KCNMB4: variants seen among roughly 807,000 people sequenced by gnomAD.
The protein encoded by KCNMB4 is calcium-activated potassium channel subunit beta-4.
In KCNMB4, 3 loss-of-function variants were observed where a neutral mutation model predicts 20.7. The observed-to-expected ratio is 0.14, with a 90% CI of 0.07 to 0.37. KCNMB4 has a LOEUF of 0.37. Among genes scored for constraint, KCNMB4 ranks in the 10% least tolerant of loss-of-function variants. The pLI, the probability that KCNMB4 is intolerant of heterozygous loss-of-function variation, is 1.00. For missense variants in KCNMB4, 168 were observed against 265.9 expected (o/e 0.63, Z 2.56); for synonymous variants, 110 against 113.4 (o/e 0.97, Z 0.19).
intron 1 of KCNMB4, among the ~76,000 whole-genome samples, chr12:70,386,116 A>G (rs1868254614): frequency 6.6e-6 from 1 of 152,164 alleles, no homozygotes. Flanking sequence ...GAAATTAGTA[A>G]TCTCAGTGAT....
At chr12:70,403,526 G>C (rs1251834500) in intron 2 of KCNMB4, among the ~76,000 whole-genome samples, 1 of 152,110 alleles carries the variant, frequency 6.6e-6, no homozygotes, top group Non-Finnish European at 1.5e-5. Flanking sequence ...TAGAAACGGG[G>C]TTTCACCATG....
intron 2 of KCNMB4, among the ~76,000 whole-genome samples, chr12:70,414,062 T>C (rs1439971391): frequency 1.3e-5 from 2 of 151,908 alleles, no homozygotes; most frequent in African/African-American, 4.8e-5. Flanking sequence ...TGAAACCCCA[T>C]CTCTACCAAA....
chr12:70,424,488 G>T (rs901733849), intron 2 of KCNMB4, among the ~76,000 whole-genome samples: 3 of 147,756 alleles, frequency 2.0e-5, no homozygotes, highest in South Asian at 2.1e-4. Context: ...GGCAGGGCAT[G>T]CCTGTAATCC....
chr12:70,426,436 G>A (rs1869217697), intron 2 of KCNMB4, among the ~76,000 whole-genome samples: 1 of 152,080 alleles, frequency 6.6e-6, no homozygotes, highest in Non-Finnish European at 1.5e-5. Flanking sequence ...TTAAACCGAA[G>A]TGCACATAAG....
chr12:70,422,234 G>A (rs1869086585), intron 2 of KCNMB4, among the ~76,000 whole-genome samples: 1 of 152,178 alleles, frequency 6.6e-6, no homozygotes, highest in South Asian at 2.1e-4. Context: ...TGTTTGGACA[G>A]AAAAACACTT....
chr12:70,393,708 G>A (rs1169013984), intron 1 of KCNMB4, among the ~76,000 whole-genome samples: 1 of 152,078 alleles, frequency 6.6e-6, no homozygotes, highest in African/African-American at 2.4e-5. Flanking sequence ...TTGGAGCGTG[G>A]GTGTATTCTC....
chr12:70,429,933 T>G (rs1869315560), intron 2 of KCNMB4, among the ~76,000 whole-genome samples: 1 of 152,186 alleles, frequency 6.6e-6, no homozygotes, highest in African/African-American at 2.4e-5. Context: ...TCAGCCATTG[T>G]CTGCTTATTA....
At chr12:70,408,668 A>G (rs1226690549) in intron 2 of KCNMB4, among the ~76,000 whole-genome samples, 3 of 151,994 alleles carry the variant, frequency 2.0e-5, no homozygotes. Flanking sequence ...GGGTGAATTC[A>G]TGCCAAGGGT....
intron 1 of KCNMB4, among the ~76,000 whole-genome samples, chr12:70,389,431 C>A (rs1002463408): frequency 6.6e-6 from 1 of 152,152 alleles, no homozygotes; most frequent in Non-Finnish European, 1.5e-5. Flanking sequence ...TGGTGGCTCA[C>A]GCCTGGGATC....
intron 2 of KCNMB4, among the ~76,000 whole-genome samples, chr12:70,420,794 C>G (rs1197611008): frequency 1.3e-5 from 2 of 152,180 alleles, no homozygotes; most frequent in Non-Finnish European, 2.9e-5. Flanking sequence ...CGCAGTGGCT[C>G]ACACCTGTAA....
intron 2 of KCNMB4, among the ~76,000 whole-genome samples, chr12:70,415,313 C>G (rs985563609): frequency 1.3e-5 from 2 of 152,184 alleles, no homozygotes; most frequent in Non-Finnish European, 2.9e-5. Flanking sequence ...TACCTCCACA[C>G]TGAGATTACA....
intron 2 of KCNMB4, among the ~76,000 whole-genome samples, chr12:70,404,429 A>T (rs1593338270): frequency 6.6e-6 from 1 of 152,328 alleles, no homozygotes; most frequent in Middle Eastern, 3.4e-3. Context: ...CATTTTGTTT[A>T]GATTACTAAA....
rs575373086 is a variant in KCNMB4 at position 70,391,824 on chromosome 12, A to G, written c.337-8385A>G. Among the ~76,000 whole-genome samples the G allele has an allele frequency of 3.0e-4, 46 of 152,310 alleles. No homozygotes were observed. In the East Asian group the frequency reaches 8.3e-3, roughly 28 times the overall value. On this transcript the variant is annotated intron_variant, in intron 1 of 2. Coordinates refer to ENST00000258111, the MANE Select transcript of KCNMB4 (RefSeq NM_014505.6). ...TGATCTAACCTTGAAGTCACACTGAATCATTGCTGTAATCAATGGCTCATT... is the reference window on the plus strand; with the variant it reads ...TGATCTAACCTTGAAGTCACACTGAGTCATTGCTGTAATCAATGGCTCATT...
In KCNMB4 at chr12:70,434,189, C is replaced by T. The variant is rs1054715243; in HGVS notation, c.*3536C>T. On this transcript the variant is annotated 3_prime_UTR_variant, in exon 3 of 3. Coordinates refer to ENST00000258111, the MANE Select transcript of KCNMB4 (RefSeq NM_014505.6). ...TTCACCCCAGCCTCACACTCTAAGA[C>T]GGATAAAAGCCAAACCAATTAAGCC... 3.3e-5 allele frequency: 5 copies of T among 152,188 alleles called. No individual in the cohort carries two copies. Among genetic ancestry groups the T allele is most frequent in the Admixed American group, 3.3e-4 (5 of 15,274 alleles). 9.4% of individuals were successfully genotyped at this position (152,188 alleles called of 1,614,324 possible).
intron 1 of KCNMB4, among the ~76,000 whole-genome samples, chr12:70,381,342 A>C (rs1883782701): frequency 2.0e-5 from 3 of 152,238 alleles, no homozygotes; most frequent in South Asian, 2.1e-4. Flanking sequence ...TCAAAACGCT[A>C]AACAGTTGCC....
intron 2 of KCNMB4, among the ~76,000 whole-genome samples, chr12:70,428,434 A>G (rs1322930573): frequency 2.0e-5 from 3 of 152,240 alleles, no homozygotes; most frequent in Admixed American, 2.0e-4. Context: ...TCCTTCACAG[A>G]AAGAAGGAAA....
rs542102301 is a variant in KCNMB4 at position 70,388,350 on chromosome 12, G to A, written c.337-11859G>A. ...TCTTTTGGGTATATACCCAGCAGTGGGATTGCTGAATCGGATGGTAGCTAA... is the reference window on the plus strand; with the variant it reads ...TCTTTTGGGTATATACCCAGCAGTGAGATTGCTGAATCGGATGGTAGCTAA... On this transcript the variant is annotated intron_variant, in intron 1 of 2. Coordinates refer to ENST00000258111, the MANE Select transcript of KCNMB4 (RefSeq NM_014505.6). Among the ~76,000 whole-genome samples the A allele has an allele frequency of 3.9e-5, 6 of 152,038 alleles. No homozygotes were observed. In the South Asian group the frequency reaches 1.3e-3, roughly 32 times the overall value.
At chr12:70,398,659 A>G (rs1868381661) in intron 1 of KCNMB4, among the ~76,000 whole-genome samples, 1 of 152,244 alleles carries the variant, frequency 6.6e-6, no homozygotes, top group South Asian at 2.1e-4. Context: ...ACACTGTGAA[A>G]ATAATGTCAT....
chr12:70,414,101 G>A (rs1218072902), intron 2 of KCNMB4, among the ~76,000 whole-genome samples: 2 of 152,032 alleles, frequency 1.3e-5, no homozygotes, highest in Non-Finnish European at 2.9e-5. Context: ...GCGTGGTGGT[G>A]CATGCCTGTA....
Sources: allele counts gnomAD v4.1 joint callset (sites outside exome capture counted in the v4.1 genomes callset), GRCh38; gene constraint gnomAD v4.1.1; transcripts MANE v1.5; gene names NCBI Gene and HGNC (gene_info 2026-07-23, HGNC 2026-07-21).